ZDHHC11: variants seen among roughly 807,000 people sequenced by gnomAD.
The protein encoded by ZDHHC11 is zDHHC palmitoyltransferase 11, also known as palmitoyltransferase ZDHHC11.
ZDHHC11 carries 44 observed loss-of-function variants against 51.3 expected under a neutral mutation model. The ratio of observed to expected loss-of-function variants is 0.86; its 90% CI spans 0.67 to 1.10. The LOEUF is 1.10. Among genes scored for constraint, ZDHHC11 ranks in the 50% least tolerant of loss-of-function variants. The pLI is 0.00. For missense variants in ZDHHC11, 400 were observed against 537.7 expected (o/e 0.74, Z 2.53); for synonymous variants, 163 against 222.0 (o/e 0.73, Z 2.36).
At chr5:837,510 G>C (rs755198585) in intron 5 of ZDHHC11, 30 bp from the exon 6 acceptor site, 1 of 1,603,948 alleles carries the variant, frequency 6.2e-7, no homozygotes, top group Non-Finnish European at 8.5e-7. Flanking sequence ...AACAGGACAA[G>C]ATACCAGCCC....
chr5:809,624 C>T (rs1375330037), intron 11 of ZDHHC11, among the ~76,000 whole-genome samples: 1 of 137,218 alleles, frequency 7.3e-6, no homozygotes, highest in Admixed American at 7.4e-5. Context: ...GTCGGAGAAC[C>T]GGGAAGGGGC....
intron 12 of ZDHHC11, among the ~76,000 whole-genome samples, chr5:799,355 G>A (rs1361257861): frequency 6.6e-6 from 1 of 151,118 alleles, no homozygotes; most frequent in Non-Finnish European, 1.5e-5. Flanking sequence ...CTCACCACAT[G>A]CAGAGCTCAA....
intron 6 of ZDHHC11, among the ~76,000 whole-genome samples, chr5:834,982 C>G (rs945846251): frequency 6.6e-6 from 1 of 151,896 alleles, no homozygotes; most frequent in Non-Finnish European, 1.5e-5. Flanking sequence ...TTTTTATTTT[C>G]TTAATGGTGA....
intron 11 of ZDHHC11, among the ~76,000 whole-genome samples, chr5:806,647 G>C (rs1257411149): frequency 6.6e-6 from 1 of 151,336 alleles, no homozygotes; most frequent in Non-Finnish European, 1.5e-5. Flanking sequence ...CAAAAGGTTT[G>C]TATAAAGAAT....
chr5:810,411 A>T (rs1284805218), intron 11 of ZDHHC11, among the ~76,000 whole-genome samples: 28 of 151,592 alleles, frequency 1.8e-4, no homozygotes, highest in Admixed American at 1.5e-3. Context: ...GCAGACCAGA[A>T]TATCCCCCAT....
rs1302916022 is a variant in ZDHHC11, at chr5:846,346, G to T, written c.503+1168C>A. ...TTTCAGGTCAGCACAGAGTAGCTGGGGAGCAGGCGTGGTTCTTTTCCCTGG... is the reference window on the plus strand; with the variant it reads ...TTTCAGGTCAGCACAGAGTAGCTGGTGAGCAGGCGTGGTTCTTTTCCCTGG... On this transcript the variant is annotated intron_variant, in intron 3 of 12. Coordinates refer to ENST00000283441, the MANE Select transcript of ZDHHC11 (RefSeq NM_024786.3). 2.0e-5 allele frequency among the ~76,000 whole-genome samples: 3 copies of T among 150,992 alleles called. 1 individual carries two copies. Among genetic ancestry groups the T allele is most frequent in the Non-Finnish European group, 4.4e-5 (3 of 67,722 alleles).
In ZDHHC11 at chr5:850,828, G is replaced by A; in HGVS notation, c.-226C>T. 1 of 622,710 alleles carries A rather than the reference G, an allele frequency of 1.6e-6. No individual in the cohort carries two copies. The highest frequency in any genetic ancestry group is 2.8e-6 in the Non-Finnish European group (1 of 361,578). The allele number at this position is 622,710 out of a possible 1,614,324, so 38.6% of individuals were successfully genotyped here. On this transcript the variant is annotated 5_prime_UTR_variant, in exon 1 of 13. Transcript: ENST00000283441. Reference sequence around the variant, plus strand: ...GGAATGAACAGACATGCTGCAGAATGTGACCCCGGCCAGAGCCGAGTGGCA... The same window carrying A: ...GGAATGAACAGACATGCTGCAGAATATGACCCCGGCCAGAGCCGAGTGGCA...
At chr5:811,334 G>C (rs1340770182) in intron 11 of ZDHHC11, among the ~76,000 whole-genome samples, 2 of 139,698 alleles carry the variant, frequency 1.4e-5, no homozygotes, top group South Asian at 2.2e-4. Context: ...TTAATGGGTT[G>C]TGTGAAAGAG....
chr5:813,310 A>G (rs1238601717), intron 11 of ZDHHC11, among the ~76,000 whole-genome samples: 1 of 142,038 alleles, frequency 7.0e-6, no homozygotes, highest in Non-Finnish European at 1.5e-5. Context: ...CCTGGGTGAC[A>G]GAGTAAGACC....
At chr5:851,104 G>A (rs987834988), upstream of ZDHHC11, 3 of 165,676 alleles carry the variant, frequency 1.8e-5, no homozygotes, top group East Asian at 3.5e-4. Context: ...TGAAGAGCTC[G>A]TGAGCCGTTA....
chr5:833,584 C>G (rs1743347756), intron 7 of ZDHHC11, among the ~76,000 whole-genome samples, 189 bp downstream of exon 7: 1 of 151,066 alleles, frequency 6.6e-6, no homozygotes, highest in African/African-American at 2.4e-5. Context: ...GTAAGACAAG[C>G]ACATCGAGAT....
chr5:800,648 G>C (rs1738284118), intron 12 of ZDHHC11, among the ~76,000 whole-genome samples: 1 of 151,434 alleles, frequency 6.6e-6, no homozygotes, highest in African/African-American at 2.4e-5. Context: ...ATGATCATTT[G>C]TTTCACGGTT....
chr5:845,252 G>A (rs1258345453), intron 3 of ZDHHC11, among the ~76,000 whole-genome samples: 3 of 152,298 alleles, frequency 2.0e-5, no homozygotes, highest in South Asian at 2.1e-4. Context: ...CAGCGGACAC[G>A]CCCTACCCTG....
At chr5:857,542 T>C (rs1748424544) in intron 1 of ZDHHC11, among the ~76,000 whole-genome samples, 1 of 149,498 alleles carries the variant, frequency 6.7e-6, no homozygotes, top group Admixed American at 6.6e-5. Context: ...CTAGAGTCTG[T>C]CCTGGTCCCC....
At chr5:805,703 A>G (rs1739145381) in intron 11 of ZDHHC11, among the ~76,000 whole-genome samples, 3 of 151,334 alleles carry the variant, frequency 2.0e-5, no homozygotes. Context: ...CATTTTATAT[A>G]TATATACATA....
upstream of ZDHHC11, among the ~76,000 whole-genome samples, chr5:859,618 TA>T (rs972339077): frequency 1.3e-5 from 2 of 152,174 alleles, no homozygotes; most frequent in African/African-American, 2.4e-5. Context: ...CGTGTTTTCG[TA>T]GTCTCGCGAG....
upstream of ZDHHC11, among the ~76,000 whole-genome samples, chr5:855,950 GGACA>G (rs1160693181): frequency 1.5e-4 from 22 of 150,436 alleles, no homozygotes; most frequent in Admixed American, 8.6e-4. Context: ...ACCCCACAGA[GGACA>G]GACAGTGAGC....
At chr5:828,180 CCCA>C (rs1182493799) in intron 7 of ZDHHC11, among the ~76,000 whole-genome samples, 1 of 151,430 alleles carries the variant, frequency 6.6e-6, no homozygotes, top group Non-Finnish European at 1.5e-5. Context: ...CAATCTTTTC[CCCA>C]CCTTTCCCCC....
chr5:843,878 GGA>G lies in ZDHHC11; in HGVS notation c.504-156_504-155del, dbSNP rs1745563041. 1.1e-5 allele frequency: 6 copies of G among 549,062 alleles called. No homozygotes were observed. In the South Asian group the frequency reaches 1.7e-4, roughly 16 times the overall value. 34.0% of individuals were successfully genotyped at this position (549,062 alleles called of 1,614,324 possible). On this transcript the variant is annotated intron_variant, in intron 3 of 12. Transcript: ENST00000283441. ...GCGGCAGGGGCATGCGGGGCATGTG[GGA>G]CAGGTGTGGGGGCGGGGAGGCAGGG...
Sources: allele counts gnomAD v4.1 joint callset (sites outside exome capture counted in the v4.1 genomes callset), GRCh38; gene constraint gnomAD v4.1.1; transcripts MANE v1.5; gene names NCBI Gene and HGNC (gene_info 2026-07-23, HGNC 2026-07-21).